ARNT2: variants seen among roughly 807,000 people sequenced by gnomAD.
The protein encoded by ARNT2 is aryl hydrocarbon receptor nuclear translocator 2.
A neutral mutation model predicts 91.7 loss-of-function variants in ARNT2; 36 were observed. The ratio of observed to expected loss-of-function variants is 0.39; its 90% CI spans 0.30 to 0.52. The LOEUF is 0.52. Ranked by LOEUF, ARNT2 falls within the 20% of genes least tolerant of loss-of-function variation. The probability of loss-of-function intolerance (pLI) is 0.72; values close to 1 mark genes in which losing one functional copy is unlikely to be tolerated. For synonymous variants in ARNT2, 365 were observed against 347.1 expected, an observed-to-expected ratio of 1.05 and a Z score of -0.57; for missense variants, 775 against 939.3, an observed-to-expected ratio of 0.83 and a Z score of 2.29.
chr15:80,579,549 G>A (rs1285055457), intron 15 of ARNT2, among the ~76,000 whole-genome samples: 3 of 152,090 alleles, frequency 2.0e-5, no homozygotes, highest in Non-Finnish European at 4.4e-5. Flanking sequence ...CTTCTGTGAT[G>A]AGCCCCATTC....
chr15:80,510,316 A>G (rs574259702), intron 6 of ARNT2, among the ~76,000 whole-genome samples: 1 of 152,222 alleles, frequency 6.6e-6, no homozygotes, highest in East Asian at 1.9e-4. Context: ...TAAGGTTAAG[A>G]TGCCTGTCTA....
intron 1 of ARNT2, among the ~76,000 whole-genome samples, chr15:80,449,974 C>T (rs759399866): frequency 5.3e-5 from 8 of 152,276 alleles, no homozygotes; most frequent in African/African-American, 9.6e-5. Flanking sequence ...TTCCCAACCA[C>T]GGTAAACAGA....
At chr15:80,519,684 C>CTT (rs1172255165) in intron 8 of ARNT2, among the ~76,000 whole-genome samples, 122 of 121,238 alleles carry the variant, frequency 1.0e-3, no homozygotes, top group South Asian at 6.0e-3. Flanking sequence ...AGGTATGTAG[C>CTT]TTTTTTTTTT....
chr15:80,539,982 T>C (rs1015456225), intron 8 of ARNT2, among the ~76,000 whole-genome samples: 1 of 151,956 alleles, frequency 6.6e-6, no homozygotes, highest in Non-Finnish European at 1.5e-5. Context: ...AGTATGAAAG[T>C]TCCTCAGAAA....
intron 8 of ARNT2, among the ~76,000 whole-genome samples, chr15:80,525,387 A>T (rs1181237781): frequency 6.6e-6 from 1 of 152,202 alleles, no homozygotes; most frequent in Non-Finnish European, 1.5e-5. Context: ...CATTCTTAGC[A>T]CATATAACAC....
chr15:80,501,321 G>A (rs1386015955), intron 5 of ARNT2, among the ~76,000 whole-genome samples: 1 of 152,144 alleles, frequency 6.6e-6, no homozygotes, highest in East Asian at 1.9e-4. Flanking sequence ...TTTATGCTAA[G>A]TGACATGAAG....
chr15:80,537,156 A>G (rs1401468323), intron 8 of ARNT2, among the ~76,000 whole-genome samples: 1 of 152,152 alleles, frequency 6.6e-6, no homozygotes, highest in Non-Finnish European at 1.5e-5. Flanking sequence ...AACCTTCACC[A>G]GTTCTGCCAC....
intron 15 of ARNT2, chr15:80,580,090 C>T (rs1421266672): frequency 4.3e-6 from 1 of 232,404 alleles, no homozygotes; most frequent in East Asian, 8.4e-5. Context: ...GGAACCAAAT[C>T]ATCTGCTGAG....
At chr15:80,415,009 T>C (rs967152333) in intron 1 of ARNT2, among the ~76,000 whole-genome samples, 3 of 152,180 alleles carry the variant, frequency 2.0e-5, no homozygotes, top group African/African-American at 7.2e-5. Flanking sequence ...TGACCAACCA[T>C]TGGTGAACAG....
At chr15:80,489,606 T>A (rs967815318) in intron 5 of ARNT2, among the ~76,000 whole-genome samples, 4 of 152,214 alleles carry the variant, frequency 2.6e-5, no homozygotes, top group African/African-American at 9.6e-5. Context: ...GCTCTCTCCA[T>A]AATAGGCCTG....
intron 1 of ARNT2, among the ~76,000 whole-genome samples, chr15:80,437,580 G>A (rs1337648400): frequency 6.6e-6 from 1 of 152,224 alleles, no homozygotes; most frequent in Non-Finnish European, 1.5e-5. Flanking sequence ...TTGAAACTCA[G>A]TAGCTATTTC....
At chr15:80,592,853 G>A (rs1006914071) in intron 18 of ARNT2, among the ~76,000 whole-genome samples, 6 of 152,308 alleles carry the variant, frequency 3.9e-5, no homozygotes, top group South Asian at 2.1e-4. Context: ...ATAAGCTTAC[G>A]AAAAACTGGT....
chr15:80,458,272 T>C (rs754919484), intron 3 of ARNT2, among the ~76,000 whole-genome samples: 10 of 152,176 alleles, frequency 6.6e-5, no homozygotes, highest in Non-Finnish European at 1.0e-4. Flanking sequence ...TTTTAAAAAG[T>C]ATTTTTAAAA....
At chr15:80,560,823 C>T (rs776334213) in intron 11 of ARNT2, among the ~76,000 whole-genome samples, 2 of 152,252 alleles carry the variant, frequency 1.3e-5, no homozygotes, top group African/African-American at 2.4e-5. Context: ...GCCTTACTTA[C>T]TCTGCAGCTC....
chr15:80,517,629 G>T (rs72732063), intron 8 of ARNT2, among the ~76,000 whole-genome samples: 264 of 132,974 alleles, frequency 2.0e-3, no homozygotes, highest in African/African-American at 3.1e-3. Flanking sequence ...GAGTGTTCTG[G>T]TTTTTTTTTT....
At chr15:80,550,339 A>C in intron 8 of ARNT2, among the ~76,000 whole-genome samples, 1 of 152,138 alleles carries the variant, frequency 6.6e-6, no homozygotes, top group East Asian at 1.9e-4. Flanking sequence ...CAATGTCTGG[A>C]GTGAGGGGCT....
chr15:80,414,765 CTCTT>C (rs1372352246), intron 1 of ARNT2, among the ~76,000 whole-genome samples: 76 of 99,638 alleles, frequency 7.6e-4, no homozygotes, highest in Non-Finnish European at 1.3e-3. Context: ...TGTTCTCTCT[CTCTT>C]TTTTTTTTTT....
chr15:80,467,796 G>C (rs1225871107), intron 3 of ARNT2, among the ~76,000 whole-genome samples: 1 of 152,140 alleles, frequency 6.6e-6, no homozygotes, highest in African/African-American at 2.4e-5. Flanking sequence ...CTGCACCTTG[G>C]TTGTCTCGTG....
intron 12 of ARNT2, among the ~76,000 whole-genome samples, chr15:80,572,693 G>A (rs1201704719): frequency 1.3e-5 from 2 of 152,222 alleles, no homozygotes; most frequent in Non-Finnish European, 2.9e-5. Flanking sequence ...AAAATAGACA[G>A]TGGACGTAAA....
Sources: gnomAD v4.1 joint callset for allele counts (sites outside exome capture counted in the v4.1 genomes callset) on GRCh38, gnomAD v4.1.1 for gene constraint, MANE v1.5 for transcripts, NCBI Gene and HGNC (gene_info 2026-07-23, HGNC 2026-07-21) for gene names.